The following RP1 variants were observed in gnomAD, a reference collection of about 807,000 sequenced individuals.
RP1 encodes RP1 axonemal microtubule associated, also known as oxygen-regulated protein 1.
Under a neutral mutation model 14.8 loss-of-function variants are expected in RP1, and 16 were observed. The observed-to-expected ratio is 1.08, with a 90% CI of 0.73 to 1.65. The LOEUF (loss-of-function observed/expected upper bound fraction) is 1.65. RP1 is among the 40% of genes most tolerant of loss of function. The probability of loss-of-function intolerance (pLI) is 0.00; values close to 1 mark genes in which losing one functional copy is unlikely to be tolerated. For missense variants in RP1, 2,631 were observed against 2,535.0 expected (o/e 1.04, Z -0.81); for synonymous variants, 876 against 883.6 (o/e 0.99, Z 0.15).
chr8:54,686,556 T>C (rs1466376887), intron 12 of RP1, among the ~76,000 whole-genome samples: 1 of 152,144 alleles, frequency 6.6e-6, no homozygotes. Flanking sequence ...CATGAGAAGT[T>C]CTTTGAAATG....
At chr8:54,671,800 A>G (rs1225191064) in intron 7 of RP1, among the ~76,000 whole-genome samples, 1 of 152,118 alleles carries the variant, frequency 6.6e-6, no homozygotes, top group Non-Finnish European at 1.5e-5. Flanking sequence ...TTAAATTTCT[A>G]TCAGGAAGTT....
intron 28 of RP1, among the ~76,000 whole-genome samples, chr8:54,869,343 T>C (rs1214197217): frequency 6.6e-6 from 1 of 152,240 alleles, no homozygotes; most frequent in Non-Finnish European, 1.5e-5. Flanking sequence ...ACAATTTTTA[T>C]ACTGATTACA....
At chr8:54,610,637 G>A (rs1805568913) in intron 1 of RP1, among the ~76,000 whole-genome samples, 1 of 152,208 alleles carries the variant, frequency 6.6e-6, no homozygotes, top group African/African-American at 2.4e-5. Flanking sequence ...TGAATAATTA[G>A]CAACTCCATT....
rs766020200 is a variant in RP1 at position 54,626,299 on chromosome 8, A to T, written c.2417A>T (p.Glu806Val). 6.2e-7 allele frequency: 1 copy of T among 1,613,482 alleles called. No homozygotes were observed. The highest frequency in any genetic ancestry group is 2.2e-5 in the East Asian group (1 of 44,800). ...GQRDKVFPHN[E>V]SKYCKSTFEN... is the part of the protein sequence containing the mutation. Reference sequence around the variant, plus strand: ...AGAGATAAAGTGTTTCCTCACAATGAATCTAAATATTGCAAAAGTACTTTT... The same window carrying T: ...AGAGATAAAGTGTTTCCTCACAATGTATCTAAATATTGCAAAAGTACTTTT... The change falls in exon 4 of 4, where the codon GAA (glutamate) becomes GTA (valine). Residue 806 changes from glutamate (E) to valine (V), a missense_variant. By Grantham distance (121) the Glu-to-Val change is moderately radical (BLOSUM62 -2). Coordinates refer to ENST00000220676, the MANE Select transcript of RP1 (RefSeq NM_006269.2).
At chr8:54,585,237 A>G (rs1313932474) in intron 1 of RP1, among the ~76,000 whole-genome samples, 2 of 152,126 alleles carry the variant, frequency 1.3e-5, no homozygotes, top group South Asian at 2.1e-4. Context: ...AAAGTATTCT[A>G]TTTCTCCTTC....
At chr8:54,667,363 T>A (rs903889236) in intron 7 of RP1, among the ~76,000 whole-genome samples, 4 of 152,152 alleles carry the variant, frequency 2.6e-5, no homozygotes, top group Non-Finnish European at 5.9e-5. Flanking sequence ...AACTGGTTTA[T>A]GTCTCCCCTA....
At chr8:54,819,930 G>T (rs1409019530) in intron 24 of RP1, among the ~76,000 whole-genome samples, 1 of 152,060 alleles carries the variant, frequency 6.6e-6, no homozygotes, top group Non-Finnish European at 1.5e-5. Context: ...ATAGTACTGG[G>T]TCTCACGCAA....
intron 14 of RP1, chr8:54,706,434 G>A: frequency 1.3e-6 from 2 of 1,535,540 alleles, no homozygotes; most frequent in Non-Finnish European, 1.7e-6. Context: ...TCTGTTTGTT[G>A]CTCTGAAGGG....
intron 19 of RP1, among the ~76,000 whole-genome samples, chr8:54,745,789 C>A (rs181455188): frequency 1.3e-5 from 2 of 152,006 alleles, no homozygotes; most frequent in East Asian, 3.9e-4. Flanking sequence ...CTCATCTACC[C>A]CAACATAAAG....
chr8:54,631,029 T>C (rs2129319041), downstream of RP1, among the ~76,000 whole-genome samples: 1 of 152,332 alleles, frequency 6.6e-6, no homozygotes, highest in South Asian at 2.1e-4. Flanking sequence ...TATGATGATA[T>C]AGAAACAAGT....
intron 22 of RP1, among the ~76,000 whole-genome samples, chr8:54,763,618 A>G (rs928046631): frequency 2.0e-5 from 3 of 152,106 alleles, no homozygotes; most frequent in African/African-American, 7.2e-5. Context: ...AGGCGGAGGT[A>G]GTGGTGAGCC....
chr8:54,597,237 C>G (rs1320748914), intron 1 of RP1, among the ~76,000 whole-genome samples: 3 of 152,140 alleles, frequency 2.0e-5, no homozygotes, highest in African/African-American at 7.2e-5. Flanking sequence ...AATTACTACT[C>G]CCTCCTCAAC....
intron 6 of RP1, among the ~76,000 whole-genome samples, chr8:54,663,438 A>G (rs1205950978): frequency 6.6e-6 from 1 of 152,204 alleles, no homozygotes; most frequent in Non-Finnish European, 1.5e-5. Context: ...TGAAATTGTG[A>G]CCAGCATATT....
At chr8:54,560,610 AGCGTTGC>A (rs1804264842) in intron 1 of RP1, 1 of 151,940 alleles carries the variant, frequency 6.6e-6, no homozygotes, top group Admixed American at 6.6e-5. Flanking sequence ...GAGGGAGGCA[AGCGTTGC>A]GCAGTGGTTC....
At chr8:54,691,779 A>G (rs1807716453) in intron 12 of RP1, among the ~76,000 whole-genome samples, 1 of 151,688 alleles carries the variant, frequency 6.6e-6, no homozygotes, top group South Asian at 2.1e-4. Context: ...ACAAATATAT[A>G]TATATTTTTC....
exon 29 of RP1, chr8:54,869,926 G>A (rs1812549071): frequency 8.1e-7 from 1 of 1,231,110 alleles, no homozygotes; most frequent in Non-Finnish European, 1.0e-6. Flanking sequence ...GGAGAGACTG[G>A]GTCTACCATC....
intron 1 of RP1, among the ~76,000 whole-genome samples, chr8:54,559,758 G>A (rs1214587968): frequency 1.3e-5 from 2 of 152,106 alleles, no homozygotes; most frequent in Non-Finnish European, 2.9e-5. Flanking sequence ...GGTCACGTTC[G>A]GGCAGGACTG....
intron 1 of RP1, among the ~76,000 whole-genome samples, chr8:54,590,685 G>A (rs948119018): frequency 5.3e-5 from 8 of 151,998 alleles, no homozygotes; most frequent in Admixed American, 4.6e-4. Context: ...CAGTTATGTA[G>A]TCCCTCCCCC....
intron 1 of RP1, among the ~76,000 whole-genome samples, chr8:54,620,692 T>A (rs2129313926): frequency 6.6e-6 from 1 of 152,372 alleles, no homozygotes; most frequent in Non-Finnish European, 1.5e-5. Flanking sequence ...GGTGTATATG[T>A]GATAATTTAT....
Sources: gnomAD v4.1 joint callset for allele counts (sites outside exome capture counted in the v4.1 genomes callset) on GRCh38, gnomAD v4.1.1 for gene constraint, MANE v1.5 for transcripts, NCBI Gene and HGNC (gene_info 2026-07-23, HGNC 2026-07-21) for gene names.